The following BICRAL variants were observed in gnomAD, a reference collection of about 807,000 sequenced individuals.
BICRAL encodes the protein BRD4-interacting chromatin-remodeling complex-associated protein-like.
A neutral mutation model predicts 91.8 loss-of-function variants in BICRAL; 8 were observed. The observed-to-expected ratio is 0.09, with a 90% CI of 0.05 to 0.16. BICRAL has a LOEUF of 0.16. Among genes scored for constraint, BICRAL ranks in the 10% least tolerant of loss-of-function variants. The probability of loss-of-function intolerance (pLI) is 1.00; values close to 1 mark genes in which losing one functional copy is unlikely to be tolerated. For missense variants in BICRAL, 1,038 were observed against 1,310.9 expected (o/e 0.79, Z 3.21); for synonymous variants, 445 against 491.1 (o/e 0.91, Z 1.24).
chr6:42,751,817 C>T (rs1042947001), intron 1 of BICRAL, among the ~76,000 whole-genome samples: 5 of 151,960 alleles, frequency 3.3e-5, no homozygotes, highest in African/African-American at 1.2e-4. Flanking sequence ...GCCACCATGC[C>T]GGGCTAATTT....
intron 1 of BICRAL, among the ~76,000 whole-genome samples, chr6:42,791,946 A>T (rs1763286469): frequency 6.6e-6 from 1 of 152,190 alleles, no homozygotes; most frequent in Admixed American, 6.5e-5. Context: ...CTGTATTGTA[A>T]ACCTGTACAG....
chr6:42,785,562 CAAA>C (rs5875817), intron 1 of BICRAL, among the ~76,000 whole-genome samples: 1 of 126,842 alleles, frequency 7.9e-6, no homozygotes. Flanking sequence ...ACTCCCATCT[CAAA>C]AAAAAAAAAA....
intron 2 of BICRAL, among the ~76,000 whole-genome samples, chr6:42,812,218 G>A (rs745678871): frequency 8.5e-5 from 13 of 152,176 alleles, no homozygotes; most frequent in Admixed American, 2.6e-4. Flanking sequence ...CTAACACTTT[G>A]TGTGGCGGAG....
intron 1 of BICRAL, among the ~76,000 whole-genome samples, chr6:42,787,537 A>G (rs141647732): frequency 6.1e-4 from 91 of 149,082 alleles, no homozygotes; most frequent in Admixed American, 2.1e-3. Flanking sequence ...CTGTGTGGGG[A>G]AAAAAAAAAG....
At chr6:42,750,909 A>T (rs9381216) in intron 1 of BICRAL, among the ~76,000 whole-genome samples, 36,754 of 51,614 alleles carry the variant, frequency 0.71, 11,863 homozygotes, top group Middle Eastern at 0.88. Flanking sequence ...TTTTTTTTTT[A>T]ATACTTTAAG....
At chr6:42,750,297 A>G (rs1407265355) in intron 1 of BICRAL, among the ~76,000 whole-genome samples, 1 of 151,950 alleles carries the variant, frequency 6.6e-6, no homozygotes, top group Non-Finnish European at 1.5e-5. Flanking sequence ...AGTAGCTGGC[A>G]CTACAGGTGT....
intron 1 of BICRAL, among the ~76,000 whole-genome samples, chr6:42,776,174 A>C (rs1364264948): frequency 6.6e-6 from 1 of 151,940 alleles, no homozygotes; most frequent in Admixed American, 6.6e-5. Flanking sequence ...GGCACCCGCC[A>C]CCACACCTGG....
rs143958851 is a variant in BICRAL, at chr6:42,862,600, C to T, written c.2440C>T (p.Leu814Phe). ...ASLSRDKRLA[L>F]VDPEGFQADF... ...CCTGTCCCGAGACAAGCGTTTGGCA[C>T]TTGTAGACCCTGGTAAGAAACATCG... Residue 814 changes from leucine to phenylalanine, a missense_variant, in exon 12 of 13, where the codon CTT (leucine) becomes TTT (phenylalanine). By Grantham distance (22) the Leu-to-Phe change is conservative. Coordinates refer to ENST00000314073, the MANE Select transcript of BICRAL (RefSeq NM_001393499.1). The T allele has an allele frequency of 6.3e-7, 1 of 1,590,554 alleles. No homozygotes were observed. Among genetic ancestry groups the T allele is most frequent in the South Asian group, 1.1e-5 (1 of 90,510 alleles).
rs1205479586 is a variant in BICRAL, at chr6:42,829,131, T to C, written c.798T>C (p.Phe266=). 6.2e-7 allele frequency: 1 copy of C among 1,614,098 alleles called. No individual in the cohort carries two copies. Among genetic ancestry groups the C allele is most frequent in the Non-Finnish European group, 8.5e-7 (1 of 1,179,968 alleles). Residue 266 remains phenylalanine, a synonymous_variant, in exon 6 of 13, where the codon TTT becomes TTC. Coordinates refer to ENST00000314073, the MANE Select transcript of BICRAL (RefSeq NM_001393499.1). ...HRQTPNGNSL[F]GNSSSSPVAQ... is the part of the protein sequence containing the mutation. The stretch of plus-strand genomic sequence containing the variant: ...AGACTCCTAATGGCAACTCCTTGTT[T>C]GGGAACTCTAGTTCCAGTCCAGTAG...
chr6:42,823,558 T>C (rs1764203910), intron 5 of BICRAL, among the ~76,000 whole-genome samples: 3 of 151,030 alleles, frequency 2.0e-5, no homozygotes, highest in Admixed American at 2.0e-4. Context: ...GAGGCCAAAG[T>C]GGGAGAATCA....
intron 1 of BICRAL, among the ~76,000 whole-genome samples, chr6:42,756,215 G>A (rs1762456769): frequency 6.6e-6 from 1 of 152,088 alleles, no homozygotes; most frequent in Non-Finnish European, 1.5e-5. Context: ...CATTGTATTT[G>A]AAACGGAAAT....
chr6:42,817,849 C>A (rs1764039635), intron 2 of BICRAL, among the ~76,000 whole-genome samples: 1 of 151,170 alleles, frequency 6.6e-6, no homozygotes, highest in Non-Finnish European at 1.5e-5. Context: ...GAAAGAATAC[C>A]CACGTGACAG....
At chr6:42,789,360 G>T (rs1179988257) in intron 1 of BICRAL, among the ~76,000 whole-genome samples, 1 of 152,086 alleles carries the variant, frequency 6.6e-6, no homozygotes, top group African/African-American at 2.4e-5. Flanking sequence ...AAATGAATTA[G>T]GCTGGGCCCA....
chr6:42,775,079 C>A (rs535594964), intron 1 of BICRAL, among the ~76,000 whole-genome samples: 1 of 152,200 alleles, frequency 6.6e-6, no homozygotes, highest in Non-Finnish European at 1.5e-5. Flanking sequence ...ATTACAGGTG[C>A]ATGCCACCAC....
intron 1 of BICRAL, among the ~76,000 whole-genome samples, chr6:42,791,929 A>G (rs1562463722): frequency 6.6e-6 from 1 of 152,216 alleles, no homozygotes; most frequent in African/African-American, 2.4e-5. Flanking sequence ...GATATAGCCT[A>G]TTCCTCCTGT....
chr6:42,788,881 T>G (rs1031408219), intron 1 of BICRAL, among the ~76,000 whole-genome samples: 4 of 152,058 alleles, frequency 2.6e-5, no homozygotes, highest in Non-Finnish European at 4.4e-5. Context: ...TCAGCTGAGT[T>G]AGTTGTGTGA....
intron 11 of BICRAL, among the ~76,000 whole-genome samples, chr6:42,860,610 G>A (rs1287927910): frequency 1.3e-5 from 2 of 152,156 alleles, no homozygotes; most frequent in East Asian, 3.8e-4. Context: ...ACTTGCTCGA[G>A]AACAGATGGC....
chr6:42,851,390 A>G (rs1214406252), intron 6 of BICRAL, among the ~76,000 whole-genome samples: 1 of 152,122 alleles, frequency 6.6e-6, no homozygotes, highest in African/African-American at 2.4e-5. Flanking sequence ...GTTATGAGAT[A>G]ACATAAGTTT....
intron 1 of BICRAL, among the ~76,000 whole-genome samples, chr6:42,805,732 T>G (rs1763686290): frequency 6.6e-6 from 1 of 152,072 alleles, no homozygotes. Context: ...CCAGGTGCGG[T>G]GGCTCACACC....
Sources: allele counts gnomAD v4.1 joint callset (sites outside exome capture counted in the v4.1 genomes callset), GRCh38; gene constraint gnomAD v4.1.1; transcripts MANE v1.5; gene names NCBI Gene and HGNC (gene_info 2026-07-23, HGNC 2026-07-21).